FGG: variants seen among roughly 807,000 people sequenced by gnomAD.
FGG encodes fibrinogen gamma chain.
FGG carries 20 observed loss-of-function variants against 51.7 expected under a neutral mutation model. The ratio of observed to expected loss-of-function variants is 0.39; its 90% CI spans 0.27 to 0.56. The LOEUF is 0.56. Among genes scored for constraint, FGG ranks in the 20% least tolerant of loss-of-function variants. The pLI is 0.64. For missense variants in FGG, 460 were observed against 534.2 expected (o/e 0.86, Z 1.37); for synonymous variants, 184 against 184.7 (o/e 1.00, Z 0.03).
intron 4 of FGG, 91 bp from the exon 5 acceptor site, chr4:154,610,288 C>T (rs1731184371): frequency 9.8e-7 from 1 of 1,019,840 alleles, no homozygotes; most frequent in South Asian, 1.5e-5. Context: ...TTGGAAACTG[C>T]TAAGTATTTT....
At chr4:154,608,151 A>G (rs1560834665) in intron 7 of FGG, among the ~76,000 whole-genome samples, 1 of 152,224 alleles carries the variant, frequency 6.6e-6, no homozygotes, top group Admixed American at 6.5e-5. Flanking sequence ...TACCTGCTTC[A>G]TGAAATAGTA....
rs761972866 is a variant in FGG at position 154,604,738 on chromosome 4, G to C, written c.*96C>G. 1.8e-4 allele frequency: 276 copies of C among 1,576,434 alleles called. No homozygotes were observed. Among genetic ancestry groups the C allele is most frequent in the Non-Finnish European group, 2.2e-4 (261 of 1,164,200 alleles). ...TGAAGGCTAAATGTCCTTAATAGAA[G>C]ACTTGAAATCAATAAATATAGTAAG... On this transcript the variant is annotated 3_prime_UTR_variant, in exon 9 of 9. Transcript: ENST00000336098.
chr4:154,605,078 C>A lies in FGG; in HGVS notation c.1130-12G>T, dbSNP rs777692915. The A allele has an allele frequency of 1.9e-6, 3 of 1,613,598 alleles. No homozygotes were observed. The highest frequency in any genetic ancestry group is 2.2e-5 in the South Asian group (2 of 91,048). ...TGAGTAAGTGCCACCTAAAACAAGT[C>A]GTAGATGTACATATCATTATTCTGG... is the stretch of plus-strand genomic sequence containing the variant. On this transcript the variant is annotated splice_polypyrimidine_tract_variant and intron_variant, in intron 8 of 8. Coordinates refer to ENST00000336098, the MANE Select transcript of FGG (RefSeq NM_021870.3).
chr4:154,605,117 C>T (rs1466964121), intron 8 of FGG, 51 bp from the exon 9 acceptor site: 1 of 1,606,862 alleles, frequency 6.2e-7, no homozygotes, highest in Non-Finnish European at 8.5e-7. Flanking sequence ...CTTTTTACCT[C>T]TGCAAGTCTA....
intron 4 of FGG, among the ~76,000 whole-genome samples, chr4:154,610,449 T>C (rs1180489201): frequency 6.6e-6 from 1 of 152,212 alleles, no homozygotes; most frequent in Non-Finnish European, 1.5e-5. Context: ...TGGACCTGAA[T>C]CTTTTTACTT....
At chr4:154,606,231 G>T (rs1337698971) in intron 8 of FGG, among the ~76,000 whole-genome samples, 1 of 152,046 alleles carries the variant, frequency 6.6e-6, no homozygotes, top group Non-Finnish European at 1.5e-5. Context: ...CCTCAGACTG[G>T]TCTCTTCTCT....
intron 4 of FGG, chr4:154,611,532 G>T: frequency 4.0e-6 from 1 of 251,180 alleles, no homozygotes; most frequent in Admixed American, 5.2e-5. Context: ...ATGGGGGATG[G>T]GGAAAAAATT....
chr4:154,607,482 T>A (rs377536137), intron 7 of FGG, among the ~76,000 whole-genome samples: 1 of 152,228 alleles, frequency 6.6e-6, no homozygotes, highest in African/African-American at 2.4e-5. Flanking sequence ...ATCAGTGTGG[T>A]AGTGGCAAGA....
At position 154,604,223 on chromosome 4, in the gene FGG, CT is replaced by C; in HGVS notation, c.*610del. ...TGTTATGGAGTTTTCAACATGGGGT[CT>C]TTTGCTCTTAAAATGAAGTGAAGCT... On this transcript the variant is annotated 3_prime_UTR_variant, in exon 9 of 9. Transcript: ENST00000336098. 1.4e-6 allele frequency: 1 copy of C among 736,146 alleles called. No individual in the cohort carries two copies. The highest frequency in any genetic ancestry group is 2.3e-5 in the South Asian group (1 of 42,918). The allele number at this position is 736,146 out of a possible 1,614,324, so 45.6% of individuals were successfully genotyped here.
chr4:154,609,283 G>A (rs571290954), intron 6 of FGG, among the ~76,000 whole-genome samples: 212 of 152,156 alleles, frequency 1.4e-3, no homozygotes, highest in African/African-American at 5.0e-3. Context: ...TGACAAAAGA[G>A]TTTCCTTCTT....
chr4:154,605,034 C>A lies in FGG; in HGVS notation c.1162G>T (p.Gly388Cys). ...GTYSKASTPN[G>C]YDNGIIWATW... ...GCCCAAATAATGCCATTATCATAACCATTAGGAGTAGATGCTTTTGAGTAA... is the reference window on the plus strand; with the variant it reads ...GCCCAAATAATGCCATTATCATAACAATTAGGAGTAGATGCTTTTGAGTAA... Residue 388 changes from glycine to cysteine, a missense_variant, in exon 9 of 9, where the codon GGT becomes TGT. By Grantham distance (159) the Gly-to-Cys change is radical. This residue lies in a region of FGG where 92 missense variants were observed against 93.7 expected (regional missense o/e 0.98). Transcript: ENST00000336098. 1 of 1,613,988 alleles carries A rather than the reference C, an allele frequency of 6.2e-7. No homozygotes were observed. The highest frequency in any genetic ancestry group is 8.5e-7 in the Non-Finnish European group (1 of 1,179,956).
rs777213579 is a variant in FGG, at chr4:154,608,613, A to G, written c.704T>C (p.Ile235Thr). Residue 235 changes from isoleucine (I) to threonine (T), a missense_variant, in exon 7 of 9, where the codon ATT (isoleucine) becomes ACT (threonine). Ile to Thr is a moderately conservative substitution (Grantham distance 89). Around this residue, in one of 3 missense-constraint regions of FGG, gnomAD observed 353 missense variants for 391.7 expected, o/e 0.90. Transcript: ENST00000336098. Reference sequence around the variant, plus strand: ...ATGTCCAAATCCTTCTTTATATTGAATCCAGTTTTTCTTGAAATCTACACT... The same window carrying G: ...ATGTCCAAATCCTTCTTTATATTGAGTCCAGTTTTTCTTGAAATCTACACT... ...DGSVDFKKNW[I>T]QYKEGFGHLS... The G allele has an allele frequency of 6.2e-7, 1 of 1,613,304 alleles. No homozygotes were observed. The highest frequency in any genetic ancestry group is 2.2e-5 in the East Asian group (1 of 44,852).
intron 7 of FGG, among the ~76,000 whole-genome samples, chr4:154,607,188 C>A (rs1446476280): frequency 6.6e-6 from 1 of 152,172 alleles, no homozygotes; most frequent in African/African-American, 2.4e-5. Flanking sequence ...CCGGGATGGG[C>A]CTAGAAGCCT....
At position 154,611,842 on chromosome 4, in the gene FGG, A is replaced by G; in HGVS notation, c.364T>C (p.Tyr122His). The change falls in exon 4 of 9, where the codon TAT becomes CAT. Residue 122 changes from tyrosine to histidine, a missense_variant. Coordinates refer to ENST00000336098, the MANE Select transcript of FGG (RefSeq NM_021870.3). ...TCATGTGTTAAAATCGATGCTTCAT[A>G]TTTCATAATTTCTTCTAACATTTTC... ...SRKMLEEIMK[Y>H]EASILTHDSS... The G allele has an allele frequency of 6.2e-7, 1 of 1,612,188 alleles. No individual in the cohort carries two copies. The highest frequency in any genetic ancestry group is 8.5e-7 in the Non-Finnish European group (1 of 1,179,250).
At chr4:154,608,341 A>T (rs191945053) in intron 7 of FGG, 125 bp downstream of exon 7, 1 of 935,154 alleles carries the variant, frequency 1.1e-6, no homozygotes, top group East Asian at 2.6e-5. Flanking sequence ...TCCTGGAGAA[A>T]ATGGTGGCTG....
At position 154,607,607 on chromosome 4, in the gene FGG, A is replaced by G. The variant is rs542583101; in HGVS notation, c.852-625T>C. Among the ~76,000 whole-genome samples, 11 of 152,220 alleles carry G rather than the reference A, an allele frequency of 7.2e-5. No homozygotes were observed. The South Asian group carries it at 2.3e-3, about 32-fold the overall frequency. On this transcript the variant is annotated intron_variant, in intron 7 of 8. Coordinates refer to ENST00000336098, the MANE Select transcript of FGG (RefSeq NM_021870.3). ...GGAAAAAATTGTGCAAGTGGACAAC[A>G]CTTCTATAGAGTGGGGGAAAGGATG...
chr4:154,608,801 T>C, intron 6 of FGG, 151 bp from the exon 7 acceptor site: 3 of 686,716 alleles, frequency 4.4e-6, no homozygotes, highest in Non-Finnish European at 7.6e-6. Flanking sequence ...TTTCCTCATG[T>C]ATCAAATAGG....
chr4:154,612,141 C>T lies in FGG; in HGVS notation c.184G>A (p.Val62Ile), dbSNP rs1307941464. Residue 62 changes from valine (V) to isoleucine (I), a missense_variant, in exon 3 of 9, where the codon GTA (valine) becomes ATA (isoleucine). Transcript: ENST00000336098. The stretch of plus-strand genomic sequence containing the variant: ...TCCAAAGACTGTAGATCCTTGTCTA[C>T]TTTGGTTTGATAAGTAGACAGGAAA... ...ADFLSTYQTKVDKDLQSLEDI... is the reference protein window; with the variant it reads ...ADFLSTYQTKIDKDLQSLEDI... 4 of 1,612,152 alleles carry T rather than the reference C, an allele frequency of 2.5e-6. No homozygotes were observed. The highest frequency in any genetic ancestry group is 1.7e-6 in the Non-Finnish European group (2 of 1,179,360).
chr4:154,608,216 G>A lies in FGG; in HGVS notation c.851+250C>T, dbSNP rs548959820. Among the ~76,000 whole-genome samples, 6 of 152,264 alleles carry A rather than the reference G, an allele frequency of 3.9e-5. No homozygotes were observed. The East Asian group carries it at 5.8e-4, about 15-fold the overall frequency. ...GCTCAATTCCTGGGACTGATTAAAA[G>A]TTCAGTAATTAGCTATTACTCTGAA... On this transcript the variant is annotated intron_variant, in intron 7 of 8. Coordinates refer to ENST00000336098, the MANE Select transcript of FGG (RefSeq NM_021870.3).
Sources: gnomAD v4.1 joint callset for allele counts (sites outside exome capture counted in the v4.1 genomes callset) on GRCh38, gnomAD v4.1.1 for gene constraint, gnomAD v4.1.1 regional missense constraint, MANE v1.5 for transcripts, NCBI Gene and HGNC (gene_info 2026-07-23, HGNC 2026-07-21) for gene names.